SF3A3: variants seen among roughly 807,000 people sequenced by gnomAD.
SF3A3 encodes SAP 61.
In SF3A3, 9 loss-of-function variants were observed where a neutral mutation model predicts 85.8. That is an observed-to-expected ratio of 0.10 (90% CI 0.06 to 0.18). The LOEUF is 0.18. SF3A3 is among the 10% of genes least tolerant of loss of function. The probability of loss-of-function intolerance (pLI) is 1.00; values close to 1 mark genes in which losing one functional copy is unlikely to be tolerated. For synonymous variants in SF3A3, 195 were observed against 204.4 expected (o/e 0.95, Z 0.39); for missense variants, 306 against 593.3 (o/e 0.52, Z 5.03).
At position 37,978,732 on chromosome 1, in the gene SF3A3, T is replaced by C; in HGVS notation, c.923A>G (p.Lys308Arg). The C allele has an allele frequency of 1.3e-6, 2 of 1,560,620 alleles. No individual in the cohort carries two copies. The highest frequency in any genetic ancestry group is 1.7e-6 in the Non-Finnish European group (2 of 1,150,942). ...CCCAGCCACTCACCGCTTGGTGCCC[T>C]TTGACTTGGGATTTTTGGCAAACAA... is the stretch of plus-strand genomic sequence containing the variant. Reference protein sequence around the residue: ...TSLFAKNPKSKGTKRDTERNK... With the variant: ...TSLFAKNPKSRGTKRDTERNK... Residue 308 changes from lysine to arginine, a missense_variant, in exon 11 of 17, where the codon AAG (lysine) becomes AGG (arginine). Coordinates refer to ENST00000373019, the MANE Select transcript of SF3A3 (RefSeq NM_006802.4).
intron 15 of SF3A3, among the ~76,000 whole-genome samples, chr1:37,964,095 C>T (rs1646281594): frequency 6.6e-6 from 1 of 151,878 alleles, no homozygotes; most frequent in African/African-American, 2.4e-5. Context: ...AGAAGAATCG[C>T]TTTAACCCGG....
chr1:37,984,277 C>T lies in SF3A3; in HGVS notation c.377-17G>A, dbSNP rs747176577. 2.0e-5 allele frequency: 29 copies of T among 1,417,834 alleles called. No homozygotes were observed. The highest frequency in any genetic ancestry group is 1.8e-4 in the Middle Eastern group (1 of 5,684). 87.8% of individuals were successfully genotyped at this position (1,417,834 alleles called of 1,614,324 possible). Reference sequence around the variant, plus strand: ...CCACCAAGTCTGAGGGAATCAGATACATCAATGATTCAGTTTCTACAGACC... The same window carrying T: ...CCACCAAGTCTGAGGGAATCAGATATATCAATGATTCAGTTTCTACAGACC... On this transcript the variant is annotated splice_polypyrimidine_tract_variant and intron_variant, in intron 5 of 16. Transcript: ENST00000373019.
At chr1:37,960,200 A>T in intron 15 of SF3A3, 25 bp from the exon 16 acceptor site, 8 of 1,609,896 alleles carry the variant, frequency 5.0e-6, no homozygotes, top group Non-Finnish European at 6.8e-6. Flanking sequence ...ATGAACAGCA[A>T]TCAGGATGGA....
At chr1:37,981,662 A>C in intron 7 of SF3A3, 67 bp downstream of exon 7, 1 of 984,500 alleles carries the variant, frequency 1.0e-6, no homozygotes, top group Non-Finnish European at 1.6e-6. Context: ...TCAGAACTTC[A>C]CCCTCAAAAA....
chr1:37,968,825 T>C (rs1045561921), intron 14 of SF3A3, among the ~76,000 whole-genome samples: 1 of 152,172 alleles, frequency 6.6e-6, no homozygotes, highest in African/African-American at 2.4e-5. Context: ...TTCTGTAAAA[T>C]TTCCTTCCAA....
rs765116581 is a variant in SF3A3 at position 37,960,186 on chromosome 1, A to G, written c.1373-11T>C. ...TCAGTTTGGCCCACACTGCAGGATG[A>G]GAAATGAACAGCAATCAGGATGGAC... On this transcript the variant is annotated splice_polypyrimidine_tract_variant and intron_variant, in intron 15 of 16. Transcript: ENST00000373019. 1 of 1,613,476 alleles carries G rather than the reference A, an allele frequency of 6.2e-7. No homozygotes were observed. Among genetic ancestry groups the G allele is most frequent in the South Asian group, 1.1e-5 (1 of 91,052 alleles).
Position 37,973,389 on chromosome 1 carries a change from ACTACCAT to A in SF3A3, c.1005+3488_1005+3494del, listed in dbSNP as rs1646357022. 2.6e-5 allele frequency among the ~76,000 whole-genome samples: 4 copies of A among 152,336 alleles called. No individual in the cohort carries two copies. In the South Asian group the frequency reaches 8.3e-4, roughly 32 times the overall value. ...AAAGAGCTTCTGCACAGCAAAAGAA[ACTACCAT>A]CAGAGTGAACAGGCAACCTACAGAA... On this transcript the variant is annotated intron_variant, in intron 12 of 16. Transcript: ENST00000373019.
intron 14 of SF3A3, among the ~76,000 whole-genome samples, chr1:37,968,939 C>T (rs1646320556): frequency 6.6e-6 from 1 of 152,108 alleles, no homozygotes; most frequent in South Asian, 2.1e-4. Flanking sequence ...ATATCAGCCC[C>T]TTCATTTTTT....
At chr1:37,967,942 C>T (rs1646314336) in intron 15 of SF3A3, 102 bp downstream of exon 15, 2 of 725,968 alleles carry the variant, frequency 2.8e-6, no homozygotes, top group East Asian at 2.5e-5. Flanking sequence ...ATATCCACAA[C>T]CTACTGCCTT....
intron 7 of SF3A3, among the ~76,000 whole-genome samples, 188 bp downstream of exon 7, chr1:37,981,541 C>A (rs1436577191): frequency 2.0e-5 from 3 of 151,886 alleles, no homozygotes; most frequent in African/African-American, 7.2e-5. Flanking sequence ...CACAGACACA[C>A]CTTTGTCCAC....
At chr1:37,985,576 A>C (rs1397638799) in intron 4 of SF3A3, among the ~76,000 whole-genome samples, 1 of 152,220 alleles carries the variant, frequency 6.6e-6, no homozygotes, top group Admixed American at 6.5e-5. Flanking sequence ...TCATGCCTGC[A>C]TAGGTTTTTG....
chr1:37,959,863 CAGG>C (rs139303773), intron 16 of SF3A3, among the ~76,000 whole-genome samples: 4,428 of 147,370 alleles, frequency 0.03, 94 homozygotes, highest in Middle Eastern at 0.11. Context: ...GAGACAGAGG[CAGG>C]AGAATTGCTG....
chr1:37,966,708 GGGCA>G (rs1553165106), intron 15 of SF3A3, among the ~76,000 whole-genome samples: 1 of 151,588 alleles, frequency 6.6e-6, no homozygotes, highest in Non-Finnish European at 1.5e-5. Flanking sequence ...AGGCCGAGGT[GGGCA>G]GATCACCTGA....
chr1:37,963,366 T>C (rs1203869153), intron 15 of SF3A3, among the ~76,000 whole-genome samples: 1 of 151,982 alleles, frequency 6.6e-6, no homozygotes, highest in South Asian at 2.1e-4. Context: ...GAAATTGAGG[T>C]AGAAATAAAA....
chr1:37,969,823 C>T (rs1646326409), intron 12 of SF3A3, 88 bp from the exon 13 acceptor site: 1 of 1,400,060 alleles, frequency 7.1e-7, no homozygotes, highest in Non-Finnish European at 9.8e-7. Flanking sequence ...TTTTGCTGAC[C>T]CCTTACTTCC....
At chr1:37,963,044 C>T (rs922424299) in intron 15 of SF3A3, among the ~76,000 whole-genome samples, 13 of 151,130 alleles carry the variant, frequency 8.6e-5, no homozygotes, top group Admixed American at 2.0e-4. Flanking sequence ...GTGGAGATCG[C>T]GCCACTGCAC....
chr1:37,980,848 T>A, intron 7 of SF3A3, 124 bp from the exon 8 acceptor site: 1 of 653,782 alleles, frequency 1.5e-6, no homozygotes, highest in Non-Finnish European at 2.2e-6. Flanking sequence ...ACTCTTTTTT[T>A]TTTTTTTTTT....
intron 14 of SF3A3, among the ~76,000 whole-genome samples, chr1:37,968,665 A>G (rs547420860): frequency 2.0e-5 from 3 of 152,326 alleles, no homozygotes; most frequent in East Asian, 3.9e-4. Flanking sequence ...GCCAACTCCA[A>G]TCATTGTAGG....
chr1:37,964,051 C>T lies in SF3A3; in HGVS notation c.1373-3876G>A, dbSNP rs1281484001. ...AAAATTAGCTGGGTGTGGTGGCGCA[C>T]GCCTGTAGTCCCAGCTACTTGGGAG... On this transcript the variant is annotated intron_variant, in intron 15 of 16. Coordinates refer to ENST00000373019, the MANE Select transcript of SF3A3 (RefSeq NM_006802.4). 7.9e-5 allele frequency among the ~76,000 whole-genome samples: 12 copies of T among 151,790 alleles called. No homozygotes were observed. The South Asian group carries it at 8.3e-4, about 11-fold the overall frequency.
Sources: allele counts gnomAD v4.1 joint callset (sites outside exome capture counted in the v4.1 genomes callset), GRCh38; gene constraint gnomAD v4.1.1; transcripts MANE v1.5; gene names NCBI Gene and HGNC (gene_info 2026-07-23, HGNC 2026-07-21).